The following PALLD variants were observed in gnomAD, a reference collection of about 807,000 sequenced individuals.
PALLD encodes the protein palladin.
Under a neutral mutation model 123.5 loss-of-function variants are expected in PALLD, and 61 were observed. The observed-to-expected ratio is 0.49, with a 90% CI of 0.40 to 0.61. The LOEUF (loss-of-function observed/expected upper bound fraction) is 0.61, where lower values mean the gene tolerates loss of function less well. PALLD is among the 20% of genes least tolerant of loss of function. PALLD has a pLI of 0.00. For synonymous variants in PALLD, 465 were observed against 496.4 expected (o/e 0.94, Z 0.84); for missense variants, 1,273 against 1,377.0 (o/e 0.92, Z 1.20).
chr4:168,843,012 A>G (rs1244914116), intron 10 of PALLD, among the ~76,000 whole-genome samples: 3 of 152,340 alleles, frequency 2.0e-5, no homozygotes, highest in East Asian at 3.9e-4. Context: ...GTAGTTGTGT[A>G]TATGTCATAG....
chr4:168,547,440 G>A (rs562374040), intron 2 of PALLD, among the ~76,000 whole-genome samples: 4 of 151,984 alleles, frequency 2.6e-5, no homozygotes, highest in East Asian at 3.9e-4. Flanking sequence ...CTCCTTCCAG[G>A]CCAGGCATGG....
chr4:168,511,693 G>A lies in PALLD; in HGVS notation c.189G>A (p.Glu63=). 1 of 1,614,188 alleles carries A rather than the reference G, an allele frequency of 6.2e-7. No homozygotes were observed. The highest frequency in any genetic ancestry group is 8.5e-7 in the Non-Finnish European group (1 of 1,180,030). The change falls in exon 2 of 22, where the codon GAG becomes GAA. Residue 63 remains glutamate, a synonymous_variant. Coordinates refer to ENST00000505667, the MANE Select transcript of PALLD (RefSeq NM_001166108.2). Reference sequence around the variant, plus strand: ...CAGAAGATTTTGACTCGGAAAAGGAGATCTCGCAGATTTTCAGTACTTCTC... The same window carrying A: ...CAGAAGATTTTGACTCGGAAAAGGAAATCTCGCAGATTTTCAGTACTTCTC... ...SETEDFDSEK[E]ISQIFSTSPA...
At chr4:168,497,422 G>A (rs965038850) in intron 1 of PALLD, among the ~76,000 whole-genome samples, 1 of 152,190 alleles carries the variant, frequency 6.6e-6, no homozygotes, top group Non-Finnish European at 1.5e-5. Flanking sequence ...TTTGCTGTCA[G>A]AGAATTACAC....
intron 1 of PALLD, among the ~76,000 whole-genome samples, chr4:168,498,292 G>A (rs1262359969): frequency 6.6e-6 from 1 of 152,138 alleles, no homozygotes; most frequent in Non-Finnish European, 1.5e-5. Flanking sequence ...GTATGGATTA[G>A]GGTCTGTATC....
chr4:168,667,247 T>C (rs1779742355), intron 2 of PALLD, among the ~76,000 whole-genome samples: 1 of 152,236 alleles, frequency 6.6e-6, no homozygotes. Flanking sequence ...AGTAATTTTA[T>C]AGGAAACTGG....
chr4:168,644,350 A>G (rs1429529388), intron 2 of PALLD, among the ~76,000 whole-genome samples: 2 of 151,938 alleles, frequency 1.3e-5, no homozygotes, highest in Admixed American at 6.6e-5. Context: ...CAGCCACCCA[A>G]TGTGCTGGGA....
At chr4:168,747,649 G>A (rs181261057) in intron 10 of PALLD, among the ~76,000 whole-genome samples, 81 of 152,270 alleles carry the variant, frequency 5.3e-4, no homozygotes, top group African/African-American at 1.7e-3. Context: ...ATGGGATATG[G>A]AGTTGGGGGA....
At chr4:168,918,691 CA>C (rs201364299) in intron 17 of PALLD, among the ~76,000 whole-genome samples, 4 of 149,836 alleles carry the variant, frequency 2.7e-5, no homozygotes, top group African/African-American at 7.3e-5. Context: ...GTTCTTACTA[CA>C]AAAAAAAATG....
intron 10 of PALLD, among the ~76,000 whole-genome samples, chr4:168,745,429 G>C (rs59868896): frequency 0.094 from 13,281 of 141,300 alleles, 773 homozygotes; most frequent in South Asian, 0.15. Context: ...GAGATGGGAG[G>C]GGGGGGCAAA....
chr4:168,586,048 G>A (rs753435669), intron 2 of PALLD, among the ~76,000 whole-genome samples: 13 of 150,278 alleles, frequency 8.7e-5, no homozygotes, highest in Non-Finnish European at 1.9e-4. Flanking sequence ...AATTTTGTTC[G>A]AGTTGGAAAG....
chr4:168,775,055 A>G (rs1250143151), intron 10 of PALLD, among the ~76,000 whole-genome samples: 3 of 132,916 alleles, frequency 2.3e-5, no homozygotes, highest in African/African-American at 6.0e-5. Flanking sequence ...GAGCATATAT[A>G]TCACAATTTA....
chr4:168,614,798 T>C (rs568176517), intron 2 of PALLD, among the ~76,000 whole-genome samples: 20 of 152,316 alleles, frequency 1.3e-4, no homozygotes, highest in African/African-American at 4.8e-4. Flanking sequence ...AGACTTCTCT[T>C]CTTTCCAAAA....
At chr4:168,685,206 A>G (rs556381176) in intron 5 of PALLD, among the ~76,000 whole-genome samples, 1 of 152,344 alleles carries the variant, frequency 6.6e-6, no homozygotes, top group South Asian at 2.1e-4. Context: ...ACACACAGAA[A>G]TCCATTTGGT....
chr4:168,917,922 T>A (rs1387802255), intron 17 of PALLD, among the ~76,000 whole-genome samples: 1 of 151,986 alleles, frequency 6.6e-6, no homozygotes, highest in Non-Finnish European at 1.5e-5. Flanking sequence ...AATCAGAGGC[T>A]GGGCACAGTG....
intron 6 of PALLD, among the ~76,000 whole-genome samples, chr4:168,689,191 A>G (rs1782370233): frequency 6.6e-6 from 1 of 152,214 alleles, no homozygotes; most frequent in Non-Finnish European, 1.5e-5. Flanking sequence ...TGCCAATGTC[A>G]TAGGTTTTAG....
chr4:168,629,993 C>T (rs1212633805), intron 2 of PALLD, among the ~76,000 whole-genome samples: 2 of 152,178 alleles, frequency 1.3e-5, no homozygotes, highest in Non-Finnish European at 2.9e-5. Context: ...ACAGGTTTAG[C>T]GAAAGTAGTT....
intron 2 of PALLD, among the ~76,000 whole-genome samples, chr4:168,604,028 T>A (rs931859762): frequency 1.3e-5 from 2 of 152,210 alleles, no homozygotes; most frequent in African/African-American, 2.4e-5. Context: ...AAAAAACTAT[T>A]CTACATTATT....
At chr4:168,605,873 T>A (rs1773111106) in intron 2 of PALLD, among the ~76,000 whole-genome samples, 1 of 152,276 alleles carries the variant, frequency 6.6e-6, no homozygotes, top group Non-Finnish European at 1.5e-5. Context: ...GTATTTTGGT[T>A]TGCAGACTTG....
At chr4:168,508,799 T>A (rs1021899814) in intron 1 of PALLD, among the ~76,000 whole-genome samples, 1 of 151,958 alleles carries the variant, frequency 6.6e-6, no homozygotes, top group Non-Finnish European at 1.5e-5. Context: ...CTCTCCACCT[T>A]CATGTCTCTT....
Sources: gnomAD v4.1 joint callset for allele counts (sites outside exome capture counted in the v4.1 genomes callset) on GRCh38, gnomAD v4.1.1 for gene constraint, MANE v1.5 for transcripts, NCBI Gene and HGNC (gene_info 2026-07-23, HGNC 2026-07-21) for gene names.